Variants in EYS observed in about 807,000 individuals in gnomAD.
EYS encodes EGF-like photoreceptor maintenance factor.
Under a neutral mutation model 282.1 loss-of-function variants are expected in EYS, and 250 were observed. The observed-to-expected ratio is 0.89, with a 90% CI of 0.80 to 0.98. The LOEUF is 0.98. Ranked by LOEUF, EYS falls within the 50% of genes least tolerant of loss-of-function variation. The probability of loss-of-function intolerance (pLI) is 0.00; values close to 1 mark genes in which losing one functional copy is unlikely to be tolerated. For missense variants in EYS, 4,016 were observed against 3,709.0 expected, an observed-to-expected ratio of 1.08 and a Z score of -2.15; for synonymous variants, 1,355 against 1,282.9, an observed-to-expected ratio of 1.06 and a Z score of -1.20.
Position 64,364,619 on chromosome 6 carries a change from T to A in EYS, c.6078+24071A>T, listed in dbSNP as rs147789813. On this transcript the variant is annotated intron_variant, in intron 29 of 42. Transcript: ENST00000503581. Reference sequence around the variant, plus strand: ...TCTACCTTTAAAATGTATCTAATTATTAGAAAAATCAATCTAATTAACCCA... The same window carrying A: ...TCTACCTTTAAAATGTATCTAATTAATAGAAAAATCAATCTAATTAACCCA... Among the ~76,000 whole-genome samples, 74 of 152,016 alleles carry A rather than the reference T, an allele frequency of 4.9e-4. No homozygotes were observed. In the East Asian group the frequency reaches 0.014, roughly 29 times the overall value.
intron 26 of EYS, among the ~76,000 whole-genome samples, chr6:64,485,538 A>G (rs1776556193): frequency 6.6e-6 from 1 of 151,546 alleles, no homozygotes; most frequent in African/African-American, 2.4e-5. Flanking sequence ...ATCACTGTTC[A>G]GTGTGTCTTT....
intron 29 of EYS, among the ~76,000 whole-genome samples, chr6:64,336,055 A>T (rs558479802): frequency 1.3e-5 from 2 of 152,240 alleles, no homozygotes; most frequent in Admixed American, 1.3e-4. Flanking sequence ...TGACGTATAA[A>T]ATGAGAATAC....
intron 5 of EYS, among the ~76,000 whole-genome samples, chr6:65,449,475 C>T (rs142705312): frequency 6.6e-6 from 1 of 152,124 alleles, no homozygotes; most frequent in African/African-American, 2.4e-5. Context: ...CTATTGAAAT[C>T]TGTACAATTG....
chr6:64,925,229 C>T (rs1384504911), intron 15 of EYS, among the ~76,000 whole-genome samples: 1 of 152,164 alleles, frequency 6.6e-6, no homozygotes, highest in East Asian at 1.9e-4. Flanking sequence ...CGTCAGATCT[C>T]ATGAGACTTA....
chr6:65,226,076 CTATTTA>C (rs1472624660), intron 12 of EYS, among the ~76,000 whole-genome samples: 2 of 151,914 alleles, frequency 1.3e-5, no homozygotes, highest in Middle Eastern at 3.4e-3. Flanking sequence ...AAAATTAAAT[CTATTTA>C]TATTTAAAGA....
At chr6:64,360,036 G>T (rs1441632676) in intron 29 of EYS, among the ~76,000 whole-genome samples, 1 of 151,376 alleles carries the variant, frequency 6.6e-6, no homozygotes, top group African/African-American at 2.4e-5. Context: ...TCATAATATG[G>T]GCAATTCTCT....
intron 30 of EYS, among the ~76,000 whole-genome samples, chr6:64,298,069 G>T (rs975761684): frequency 6.6e-5 from 10 of 151,748 alleles, no homozygotes; most frequent in African/African-American, 2.4e-4. Context: ...GACCTTCCTT[G>T]CTAGAAATGC....
intron 19 of EYS, among the ~76,000 whole-genome samples, chr6:64,833,766 C>T (rs1375822789): frequency 1.3e-5 from 2 of 151,740 alleles, no homozygotes; most frequent in Non-Finnish European, 2.9e-5. Flanking sequence ...ATGATAAGCA[C>T]TGAAATCTTT....
chr6:64,194,770 C>A (rs1457956504), intron 31 of EYS, among the ~76,000 whole-genome samples: 2 of 151,920 alleles, frequency 1.3e-5, no homozygotes, highest in Non-Finnish European at 2.9e-5. Context: ...TTTTACTATT[C>A]TAATCTATAT....
At chr6:63,868,777 A>C (rs1772729939) in intron 35 of EYS, among the ~76,000 whole-genome samples, 1 of 152,178 alleles carries the variant, frequency 6.6e-6, no homozygotes, top group African/African-American at 2.4e-5. Context: ...ATTACAAAGA[A>C]TACTTCCCCT....
At chr6:63,975,198 A>C (rs959450782) in intron 35 of EYS, among the ~76,000 whole-genome samples, 5 of 152,002 alleles carry the variant, frequency 3.3e-5, no homozygotes, top group Non-Finnish European at 7.4e-5. Context: ...GAAAAACACA[A>C]TTTGTTCTGC....
At chr6:64,104,705 G>A (rs991961302) in intron 31 of EYS, among the ~76,000 whole-genome samples, 3 of 145,742 alleles carry the variant, frequency 2.1e-5, no homozygotes, top group African/African-American at 7.7e-5. Context: ...AAATGAGGAT[G>A]TTCTGGGTAA....
intron 22 of EYS, among the ~76,000 whole-genome samples, chr6:64,650,438 A>G (rs1768517584): frequency 6.6e-6 from 1 of 152,054 alleles, no homozygotes; most frequent in African/African-American, 2.4e-5. Flanking sequence ...AAACAAAGAG[A>G]AACCCCAAAA....
intron 36 of EYS, among the ~76,000 whole-genome samples, chr6:63,842,980 A>T (rs1187113474): frequency 6.6e-6 from 1 of 152,208 alleles, no homozygotes; most frequent in Admixed American, 6.5e-5. Flanking sequence ...CTGTTTTGGT[A>T]CCAGTACCAT....
intron 26 of EYS, among the ~76,000 whole-genome samples, chr6:64,542,181 A>T (rs1764710172): frequency 6.6e-6 from 1 of 152,098 alleles, no homozygotes; most frequent in Admixed American, 6.6e-5. Context: ...GTTTTCCATC[A>T]AGAAAGAAAA....
chr6:63,728,071 G>C (rs1283923410), intron 41 of EYS, among the ~76,000 whole-genome samples: 1 of 151,976 alleles, frequency 6.6e-6, no homozygotes, highest in African/African-American at 2.4e-5. Context: ...TTTAAAATGT[G>C]AGTGTCCTTT....
chr6:65,468,792 A>G (rs1582336384), intron 5 of EYS, among the ~76,000 whole-genome samples: 1 of 152,104 alleles, frequency 6.6e-6, no homozygotes, highest in Non-Finnish European at 1.5e-5. Flanking sequence ...TTACATTTCA[A>G]GAAAAACCAA....
At chr6:65,112,446 C>T (rs988474476) in intron 12 of EYS, among the ~76,000 whole-genome samples, 9 of 152,044 alleles carry the variant, frequency 5.9e-5, no homozygotes, top group African/African-American at 2.2e-4. Flanking sequence ...CTATTAAAAA[C>T]TATGAGAATG....
At position 64,687,772 on chromosome 6, in the gene EYS, T is replaced by C. The variant is rs189414701; in HGVS notation, c.3444-61527A>G. 3.4e-3 allele frequency among the ~76,000 whole-genome samples: 521 copies of C among 152,332 alleles called. 5 individuals carry two copies. The highest frequency in any genetic ancestry group is 0.01 in the Middle Eastern group (3 of 294). On this transcript the variant is annotated intron_variant, in intron 22 of 42. Transcript: ENST00000503581. ...GGAGGATTCCCTTTTTTTCTATTGA[T>C]TGGAATAGTTTCAGAAGGAACGGTA... is the stretch of plus-strand genomic sequence containing the variant.
Sources: allele counts gnomAD v4.1 joint callset (sites outside exome capture counted in the v4.1 genomes callset), GRCh38; gene constraint gnomAD v4.1.1; transcripts MANE v1.5; gene names NCBI Gene and HGNC (gene_info 2026-07-23, HGNC 2026-07-21).